Variants in DNAH6 observed in about 807,000 individuals in gnomAD.
The protein encoded by DNAH6 is dynein axonemal heavy chain 6, also known as axonemal beta dynein heavy chain 6.
A neutral mutation model predicts 491.4 loss-of-function variants in DNAH6; 340 were observed. That is an observed-to-expected ratio of 0.69 (90% CI 0.63 to 0.76). The LOEUF (loss-of-function observed/expected upper bound fraction) is 0.76, where lower values mean the gene tolerates loss of function less well. Ranked by LOEUF, DNAH6 falls within the 30% of genes least tolerant of loss-of-function variation. The pLI is 0.00. For missense variants in DNAH6, 4,443 were observed against 4,972.2 expected (o/e 0.89, Z 3.20); for synonymous variants, 1,603 against 1,686.1 (o/e 0.95, Z 1.21).
At chr2:84,493,584 C>A in the DNAH6 span, among the ~76,000 whole-genome samples, 1 of 152,154 alleles carries the variant, frequency 6.6e-6, no homozygotes, top group Non-Finnish European at 1.5e-5. Context: ...TGAAAAATTT[C>A]TCTCCAAGAT....
chr2:84,703,532 A>G lies in DNAH6; in HGVS notation c.8199A>G (p.Lys2733=), dbSNP rs1409371321. ...KSEDVEALME[K]LAVDQESADQ... is the part of the protein sequence containing the mutation. ...AAGATGTTGAAGCCCTGATGGAAAAATTGGCAGTGGATCAAGAAAGTGCCG... is the reference window on the plus strand; with the variant it reads ...AAGATGTTGAAGCCCTGATGGAAAAGTTGGCAGTGGATCAAGAAAGTGCCG... The change falls in exon 50 of 77, where the codon AAA becomes AAG. Residue 2733 remains lysine, a synonymous_variant. Transcript: ENST00000389394. The G allele has an allele frequency of 1.9e-6, 3 of 1,551,266 alleles. No homozygotes were observed. Among genetic ancestry groups the G allele is most frequent in the African/African-American group, 1.4e-5 (1 of 73,018 alleles).
At chr2:84,775,685 C>T (rs1676051255) in intron 64 of DNAH6, among the ~76,000 whole-genome samples, 1 of 152,070 alleles carries the variant, frequency 6.6e-6, no homozygotes, top group Non-Finnish European at 1.5e-5. Flanking sequence ...AATTTCATTA[C>T]TCATTATTGG....
intron 2 of DNAH6, among the ~76,000 whole-genome samples, chr2:84,518,889 T>C (rs75071284): frequency 2.5e-3 from 381 of 152,270 alleles, no homozygotes; most frequent in African/African-American, 8.6e-3. Context: ...ATAGTAACTA[T>C]TTAAAAAATA....
At chr2:84,502,842 G>A in the DNAH6 span, among the ~76,000 whole-genome samples, 93 of 152,134 alleles carry the variant, frequency 6.1e-4, no homozygotes, top group African/African-American at 2.1e-3. Context: ...CTATAGGCAT[G>A]GAATATCTGT....
chr2:84,552,099 T>C (rs904812360), intron 9 of DNAH6, among the ~76,000 whole-genome samples: 43 of 151,022 alleles, frequency 2.8e-4, no homozygotes, highest in Non-Finnish European at 1.0e-4. Context: ...CCCACATGCA[T>C]ACTAAATATT....
intron 64 of DNAH6, chr2:84,777,240 A>G (rs1676221183): frequency 4.7e-6 from 1 of 213,550 alleles, no homozygotes; most frequent in African/African-American, 2.4e-5. Context: ...AACTTAAAGT[A>G]TAACAATAAA....
At chr2:84,650,216 A>G (rs1307873734) in intron 33 of DNAH6, among the ~76,000 whole-genome samples, 1 of 152,068 alleles carries the variant, frequency 6.6e-6, no homozygotes, top group Non-Finnish European at 1.5e-5. Flanking sequence ...TTCAGTCATT[A>G]TTTCTCTGAA....
At chr2:84,476,719 C>T in the DNAH6 span, among the ~76,000 whole-genome samples, 1 of 152,186 alleles carries the variant, frequency 6.6e-6, no homozygotes, top group Middle Eastern at 3.2e-3. Flanking sequence ...AATTCTCTCC[C>T]ATTCATCCAA....
chr2:84,594,937 C>G (rs939608252), intron 17 of DNAH6, among the ~76,000 whole-genome samples: 1 of 152,126 alleles, frequency 6.6e-6, no homozygotes, highest in African/African-American at 2.4e-5. Context: ...TTTAAGTGCT[C>G]TCCTTTAACT....
intron 31 of DNAH6, among the ~76,000 whole-genome samples, chr2:84,639,532 C>T (rs1573321718): frequency 6.6e-6 from 1 of 151,530 alleles, no homozygotes; most frequent in Non-Finnish European, 1.5e-5. Flanking sequence ...AAGTCTCCTA[C>T]CTCAGCCTCC....
chr2:84,685,547 A>T, intron 43 of DNAH6, 75 bp downstream of exon 43: 1 of 901,050 alleles, frequency 1.1e-6, no homozygotes, highest in Non-Finnish European at 1.5e-6. Flanking sequence ...AGAACAATTA[A>T]CACAAAAAGA....
chr2:84,690,711 T>A (rs756365026), intron 45 of DNAH6, among the ~76,000 whole-genome samples: 28 of 152,246 alleles, frequency 1.8e-4, no homozygotes, highest in Non-Finnish European at 3.1e-4. Context: ...ACTGTTCTCT[T>A]TTATTCAAGA....
chr2:84,534,402 A>G (rs1371098878), intron 4 of DNAH6, among the ~76,000 whole-genome samples: 1 of 152,134 alleles, frequency 6.6e-6, no homozygotes, highest in Non-Finnish European at 1.5e-5. Flanking sequence ...CCCCGCTGCC[A>G]GAGAGCAGCT....
intron 29 of DNAH6, among the ~76,000 whole-genome samples, chr2:84,625,582 A>G (rs1416632893): frequency 2.6e-5 from 4 of 151,190 alleles, no homozygotes; most frequent in South Asian, 4.1e-4. Context: ...GATATTTACC[A>G]TGTTAGAAAA....
Position 84,562,669 on chromosome 2 carries a change from A to G in DNAH6, c.1803+4734A>G, listed in dbSNP as rs578096626. Among the ~76,000 whole-genome samples, 3 of 152,304 alleles carry G rather than the reference A, an allele frequency of 2.0e-5. No homozygotes were observed. In the East Asian group the frequency reaches 5.8e-4, roughly 29 times the overall value. Reference sequence around the variant, plus strand: ...TTAACGAAGGGAAAAGGCACATGGGATAAAGTTCAGAGGAAACCAGGCACA... The same window carrying G: ...TTAACGAAGGGAAAAGGCACATGGGGTAAAGTTCAGAGGAAACCAGGCACA... On this transcript the variant is annotated intron_variant, in intron 11 of 76. Coordinates refer to ENST00000389394, the MANE Select transcript of DNAH6 (RefSeq NM_001370.2).
chr2:84,743,856 C>T (rs888025144), intron 62 of DNAH6, among the ~76,000 whole-genome samples: 1 of 152,062 alleles, frequency 6.6e-6, no homozygotes, highest in African/African-American at 2.4e-5. Context: ...TATTAGATAC[C>T]ATCTTCTAAT....
the DNAH6 span, among the ~76,000 whole-genome samples, chr2:84,502,298 T>C: frequency 6.6e-6 from 1 of 152,194 alleles, no homozygotes; most frequent in Admixed American, 6.5e-5. Flanking sequence ...TCGGAGCGTA[T>C]TGTTTACTTT....
intron 13 of DNAH6, among the ~76,000 whole-genome samples, chr2:84,578,468 C>T (rs1232156482): frequency 9.2e-5 from 14 of 151,930 alleles, no homozygotes. Flanking sequence ...GAGATTGGGT[C>T]GATATCAAGG....
In DNAH6 at chr2:84,688,552, A is replaced by G. The variant is rs751269056; in HGVS notation, c.7251A>G (p.Val2417=). The G allele has an allele frequency of 1.2e-5, 19 of 1,544,768 alleles. No homozygotes were observed. In the African/African-American group the frequency reaches 1.5e-4, roughly 12 times the overall value. ...DDYNLTNPKE[V]KLVFFQDAIE... is the part of the protein sequence containing the mutation. ...ATAATCTCACAAATCCCAAAGAAGTAAAGTTGGTGTTCTTCCAGGATGCTA... is the reference window on the plus strand; with the variant it reads ...ATAATCTCACAAATCCCAAAGAAGTGAAGTTGGTGTTCTTCCAGGATGCTA... Residue 2417 remains valine, a synonymous_variant, in exon 45 of 77, where the codon GTA becomes GTG. Coordinates refer to ENST00000389394, the MANE Select transcript of DNAH6 (RefSeq NM_001370.2).
Sources: gnomAD v4.1 joint callset for allele counts (sites outside exome capture counted in the v4.1 genomes callset) on GRCh38, gnomAD v4.1.1 for gene constraint, MANE v1.5 for transcripts, NCBI Gene and HGNC (gene_info 2026-07-23, HGNC 2026-07-21) for gene names.